Variants in TUT7 observed in about 807,000 individuals in gnomAD.
TUT7 encodes terminal uridylyl transferase 7, also known as terminal uridylyltransferase 7.
A neutral mutation model predicts 165.9 loss-of-function variants in TUT7; 33 were observed. That is an observed-to-expected ratio of 0.20 (90% CI 0.15 to 0.27). The LOEUF is 0.27. TUT7 is among the 10% of genes least tolerant of loss of function. The pLI, the probability that TUT7 is intolerant of heterozygous loss-of-function variation, is 1.00. For missense variants in TUT7, 1,338 were observed against 1,762.3 expected (o/e 0.76, Z 4.31); for synonymous variants, 552 against 608.1 (o/e 0.91, Z 1.36).
In TUT7 at chr9:86,302,423, A is replaced by T. The variant is rs76083801; in HGVS notation, c.4094+663T>A. Among the ~76,000 whole-genome samples, 903 of 152,330 alleles carry T rather than the reference A, an allele frequency of 5.9e-3. 20 individuals are homozygous for T. Among genetic ancestry groups the T allele is most frequent in the East Asian group, 0.05 (261 of 5,182 alleles). On this transcript the variant is annotated intron_variant, in intron 25 of 26. Coordinates refer to ENST00000375963, the MANE Select transcript of TUT7 (RefSeq NM_024617.4). ...ACTGTGCATTAGAGATGTAACTGAG[A>T]TCCTGAAGGAACTCATTTGACTGTT... is the stretch of plus-strand genomic sequence containing the variant.
At chr9:86,302,587 G>C (rs1202808046) in intron 25 of TUT7, among the ~76,000 whole-genome samples, 1 of 151,720 alleles carries the variant, frequency 6.6e-6, no homozygotes, top group Non-Finnish European at 1.5e-5. Context: ...CAAAGTGCTG[G>C]GATTACAGGC....
intron 17 of TUT7, among the ~76,000 whole-genome samples, chr9:86,313,574 T>C (rs1289955190): frequency 6.6e-6 from 1 of 152,166 alleles, no homozygotes; most frequent in Non-Finnish European, 1.5e-5. Flanking sequence ...AGCTTAGGAA[T>C]ATGCAGCTGG....
Position 86,311,943 on chromosome 9 carries a change from G to C in TUT7, c.3275-1134C>G, listed in dbSNP as rs372110960. The stretch of plus-strand genomic sequence containing the variant: ...AGTGCTCAATGGTGCCCAGGCTGGA[G>C]TGCAGTGGCGTGATCTCGGCCCGCT... On this transcript the variant is annotated intron_variant, in intron 17 of 26. Coordinates refer to ENST00000375963, the MANE Select transcript of TUT7 (RefSeq NM_024617.4). The surrounding 1 kb of genome is among the most constrained non-coding windows in gnomAD (Gnocchi z 4.4). 5.9e-3 allele frequency among the ~76,000 whole-genome samples: 900 copies of C among 152,310 alleles called. 20 individuals carry two copies. Among genetic ancestry groups the C allele is most frequent in the East Asian group, 0.05 (259 of 5,154 alleles).
intron 14 of TUT7, among the ~76,000 whole-genome samples, chr9:86,321,901 CTG>C (rs1277782487): frequency 2.0e-5 from 3 of 152,116 alleles, no homozygotes; most frequent in Admixed American, 1.3e-4. Flanking sequence ...CACAGGGAAA[CTG>C]TGTCTCTACA....
At chr9:86,289,371 T>C (rs938289308) in intron 26 of TUT7, among the ~76,000 whole-genome samples, 14 of 152,182 alleles carry the variant, frequency 9.2e-5, no homozygotes, top group African/African-American at 3.1e-4. Context: ...AAGTAATACA[T>C]AATGAAGTTT....
intron 24 of TUT7, among the ~76,000 whole-genome samples, chr9:86,303,719 T>C (rs761149554): frequency 1.1e-4 from 16 of 152,130 alleles, no homozygotes; most frequent in Non-Finnish European, 1.9e-4. Flanking sequence ...TGTACTAAAA[T>C]TAAGGTGGAG....
intron 10 of TUT7, among the ~76,000 whole-genome samples, chr9:86,336,156 C>T (rs575687912): frequency 6.6e-6 from 1 of 152,102 alleles, no homozygotes; most frequent in Middle Eastern, 3.2e-3. Context: ...CCAACTTGTG[C>T]CAGGGTTTTT....
chr9:86,319,523 T>C (rs766035842), intron 15 of TUT7, 61 bp downstream of exon 15: 40 of 1,160,312 alleles, frequency 3.4e-5, no homozygotes, highest in Middle Eastern at 2.6e-4. Flanking sequence ...TTGTAACACA[T>C]GAACTGATTT....
Position 86,288,643 on chromosome 9 carries a change from G to A in TUT7, c.*34C>T, listed in dbSNP as rs374739996. 38 of 1,573,318 alleles carry A rather than the reference G, an allele frequency of 2.4e-5. No homozygotes were observed. The highest frequency in any genetic ancestry group is 2.8e-5 in the Non-Finnish European group (32 of 1,143,562). On this transcript the variant is annotated 3_prime_UTR_variant, in exon 27 of 27. Transcript: ENST00000375963. Reference sequence around the variant, plus strand: ...ATTTTCCGAGTGAATAGGAACGCCTGAGTGGCCATTTAGAGTGCTGCATTT... The same window carrying A: ...ATTTTCCGAGTGAATAGGAACGCCTAAGTGGCCATTTAGAGTGCTGCATTT...
At chr9:86,303,278 G>C in intron 24 of TUT7, 77 bp from the exon 25 acceptor site, 1 of 633,984 alleles carries the variant, frequency 1.6e-6, no homozygotes, top group Non-Finnish European at 2.7e-6. Context: ...ATATTAAACA[G>C]TTATCTTACA....
chr9:86,328,494 TA>T lies in TUT7; in HGVS notation c.1456-3del. 1.9e-6 allele frequency: 3 copies of T among 1,599,512 alleles called. No individual in the cohort carries two copies. Among genetic ancestry groups the T allele is most frequent in the Non-Finnish European group, 2.6e-6 (3 of 1,174,352 alleles). ...TTTGCTTAATGAGAATCCTTCAATCTAGGAAAAATTAGACACATGCTAAAAT... is the reference window on the plus strand; with the variant it reads ...TTTGCTTAATGAGAATCCTTCAATCTGGAAAAATTAGACACATGCTAAAAT... On this transcript the variant is annotated splice_polypyrimidine_tract_variant and splice_region_variant and intron_variant, in intron 10 of 26. Coordinates refer to ENST00000375963, the MANE Select transcript of TUT7 (RefSeq NM_024617.4).
At chr9:86,314,283 C>T (rs913580225) in intron 17 of TUT7, among the ~76,000 whole-genome samples, 3 of 152,206 alleles carry the variant, frequency 2.0e-5, no homozygotes, top group Non-Finnish European at 4.4e-5. Flanking sequence ...TTCAAAGTCT[C>T]GGATTTATTC....
At chr9:86,354,030 G>A (rs1036040622) in intron 1 of TUT7, among the ~76,000 whole-genome samples, 3 of 152,228 alleles carry the variant, frequency 2.0e-5, no homozygotes, top group African/African-American at 4.8e-5. Context: ...TGGCCAAGAA[G>A]CCACCGTGGG....
chr9:86,344,095 T>C (rs755955457), intron 5 of TUT7, among the ~76,000 whole-genome samples: 2 of 152,214 alleles, frequency 1.3e-5, no homozygotes, highest in Non-Finnish European at 2.9e-5. Flanking sequence ...ACAAATACTA[T>C]ATGTATGATC....
At chr9:86,303,678 GGA>G (rs1827168638) in intron 24 of TUT7, among the ~76,000 whole-genome samples, 1 of 152,192 alleles carries the variant, frequency 6.6e-6, no homozygotes, top group Admixed American at 6.5e-5. Context: ...ACAGAACAAA[GGA>G]AAGATAATGG....
At chr9:86,309,189 A>G (rs1427877053) in intron 21 of TUT7, 23 bp downstream of exon 21, 1 of 1,469,486 alleles carries the variant, frequency 6.8e-7, no homozygotes, top group South Asian at 1.2e-5. Flanking sequence ...ATATAGGAAA[A>G]TCTTTACTCT....
chr9:86,351,994 C>T (rs995588980), intron 2 of TUT7, among the ~76,000 whole-genome samples: 5 of 152,104 alleles, frequency 3.3e-5, no homozygotes, highest in African/African-American at 1.2e-4. Context: ...CATATTATCT[C>T]CTTATTATCC....
chr9:86,328,175 T>G (rs1033843532), intron 11 of TUT7, among the ~76,000 whole-genome samples, 165 bp downstream of exon 11: 1 of 152,214 alleles, frequency 6.6e-6, no homozygotes, highest in African/African-American at 2.4e-5. Flanking sequence ...CTAATATTTT[T>G]TTTAACCTTT....
chr9:86,288,604 GTGAAATGAACCTAA>G lies in TUT7; in HGVS notation c.*59_*72del. On this transcript the variant is annotated 3_prime_UTR_variant, in exon 27 of 27. Transcript: ENST00000375963. ...AGCCTGATCTACACTGCTGTGTCCT[GTGAAATGAACCTAA>G]TTTTCCGAGTGAATAGGAACGCCTG... 1 of 1,191,204 alleles carries G rather than the reference GTGAAATGAACCTAA, an allele frequency of 8.4e-7. No individual in the cohort carries two copies. The highest frequency in any genetic ancestry group is 1.2e-6 in the Non-Finnish European group (1 of 801,046). The allele number at this position is 1,191,204 out of a possible 1,614,324, so 73.8% of individuals were successfully genotyped here. A position where few individuals can be genotyped will look rare whatever the true frequency, so the allele number is the denominator to read the frequency against.
Sources: gnomAD v4.1 joint callset for allele counts (sites outside exome capture counted in the v4.1 genomes callset) on GRCh38, gnomAD v4.1.1 for gene constraint, Gnocchi (gnomAD v3.1) non-coding constraint, MANE v1.5 for transcripts, NCBI Gene and HGNC (gene_info 2026-07-23, HGNC 2026-07-21) for gene names.